NDUFAF2: variants seen among roughly 807,000 people sequenced by gnomAD.
The protein encoded by NDUFAF2 is NADH dehydrogenase [ubiquinone] 1 alpha subcomplex assembly factor 2.
A neutral mutation model predicts 22.8 loss-of-function variants in NDUFAF2; 13 were observed. That is an observed-to-expected ratio of 0.57 (90% CI 0.37 to 0.91). The LOEUF is 0.91. NDUFAF2 is among the 40% of genes least tolerant of loss of function. The pLI, the probability that NDUFAF2 is intolerant of heterozygous loss-of-function variation, is 0.01. For synonymous variants in NDUFAF2, 53 were observed against 64.2 expected (o/e 0.83, Z 0.84); for missense variants, 162 against 195.2 (o/e 0.83, Z 1.01).
intron 3 of NDUFAF2, among the ~76,000 whole-genome samples, chr5:61,147,423 A>G (rs371045689): frequency 1.9e-5 from 1 of 54,018 alleles, no homozygotes; most frequent in African/African-American, 5.9e-5. Context: ...TAATTTTTGT[A>G]TTTTTTTTTC....
chr5:60,945,463 C>T (rs889924129), intron 1 of NDUFAF2, 81 bp downstream of exon 1: 2 of 1,580,932 alleles, frequency 1.3e-6, no homozygotes, highest in African/African-American at 1.3e-5. Flanking sequence ...AGCCCCTAGT[C>T]AACTAACGCA....
At chr5:61,068,986 A>T (rs1752262682) in intron 1 of NDUFAF2, among the ~76,000 whole-genome samples, 1 of 152,122 alleles carries the variant, frequency 6.6e-6, no homozygotes, top group African/African-American at 2.4e-5. Flanking sequence ...TCTCTTTATA[A>T]ATGAAATGTA....
intron 1 of NDUFAF2, among the ~76,000 whole-genome samples, chr5:61,016,972 T>G (rs1259208416): frequency 6.6e-6 from 1 of 152,170 alleles, no homozygotes; most frequent in Non-Finnish European, 1.5e-5. Context: ...AGGGGATTGG[T>G]TCCAGGCTTC....
chr5:61,001,050 C>G (rs1751289027), intron 1 of NDUFAF2, among the ~76,000 whole-genome samples: 2 of 152,242 alleles, frequency 1.3e-5, no homozygotes, highest in Non-Finnish European at 1.5e-5. Context: ...TAGCAGCACT[C>G]TCTTTGGGAG....
chr5:60,990,541 G>A (rs535088935), intron 1 of NDUFAF2, among the ~76,000 whole-genome samples: 3 of 152,034 alleles, frequency 2.0e-5, no homozygotes, highest in Non-Finnish European at 4.4e-5. Flanking sequence ...TATTAAAATA[G>A]CATTTAGCTA....
At chr5:61,102,122 A>G (rs571830720) in intron 3 of NDUFAF2, among the ~76,000 whole-genome samples, 4 of 152,306 alleles carry the variant, frequency 2.6e-5, no homozygotes, top group Admixed American at 6.5e-5. Flanking sequence ...ATTTAATAAA[A>G]TGAATATCCA....
intron 1 of NDUFAF2, among the ~76,000 whole-genome samples, chr5:61,058,063 G>T (rs1385450824): frequency 2.6e-5 from 4 of 152,146 alleles, no homozygotes; most frequent in Non-Finnish European, 5.9e-5. Flanking sequence ...GTAGATAACA[G>T]TACGGTCTTT....
At chr5:61,037,095 T>A (rs949398992) in intron 1 of NDUFAF2, among the ~76,000 whole-genome samples, 6 of 152,180 alleles carry the variant, frequency 3.9e-5, no homozygotes, top group African/African-American at 1.4e-4. Flanking sequence ...TTCAGGGATC[T>A]TGCTCTCTTG....
At chr5:60,962,423 G>A (rs563926201) in intron 1 of NDUFAF2, among the ~76,000 whole-genome samples, 28 of 151,942 alleles carry the variant, frequency 1.8e-4, no homozygotes, top group Non-Finnish European at 3.4e-4. Context: ...CCTTGGCCAC[G>A]TTTTCAATTA....
intron 1 of NDUFAF2, among the ~76,000 whole-genome samples, chr5:61,025,168 C>G (rs1751634175): frequency 6.6e-6 from 1 of 151,934 alleles, no homozygotes; most frequent in South Asian, 2.1e-4. Flanking sequence ...ACTAAACTGC[C>G]TTCTCTGAGG....
chr5:61,034,151 G>C (rs760062307), intron 1 of NDUFAF2, among the ~76,000 whole-genome samples: 3 of 152,104 alleles, frequency 2.0e-5, no homozygotes, highest in African/African-American at 4.8e-5. Flanking sequence ...AGTAGGTGTT[G>C]TATTTCAAGA....
chr5:61,098,402 TGCAAAGCATCCA>T (rs1214071582), intron 2 of NDUFAF2, among the ~76,000 whole-genome samples: 1 of 152,206 alleles, frequency 6.6e-6, no homozygotes, highest in Non-Finnish European at 1.5e-5. Context: ...TTCCCATTGC[TGCAAAGCATCCA>T]GCACAGTACC....
chr5:61,019,841 A>T (rs1751555991), intron 1 of NDUFAF2, among the ~76,000 whole-genome samples: 1 of 152,078 alleles, frequency 6.6e-6, no homozygotes, highest in Non-Finnish European at 1.5e-5. Flanking sequence ...AAAAGAGCTG[A>T]ATCATTTCCT....
At chr5:61,008,087 G>A (rs943828535) in intron 1 of NDUFAF2, among the ~76,000 whole-genome samples, 1 of 146,616 alleles carries the variant, frequency 6.8e-6, no homozygotes, top group African/African-American at 2.5e-5. Context: ...TCACTCACAG[G>A]TGGGAATTGA....
chr5:60,962,954 C>T (rs756079429), intron 1 of NDUFAF2, among the ~76,000 whole-genome samples: 183 of 152,066 alleles, frequency 1.2e-3, no homozygotes, highest in Middle Eastern at 0.01. Context: ...GGCGCGATCT[C>T]GGCTCACTGC....
intron 1 of NDUFAF2, among the ~76,000 whole-genome samples, chr5:61,069,050 TAAATG>T (rs906078595): frequency 6.6e-6 from 1 of 152,004 alleles, no homozygotes; most frequent in African/African-American, 2.4e-5. Context: ...TTGTATAGCT[TAAATG>T]AAATTACTCA....
chr5:61,047,104 G>T (rs1751963297), intron 1 of NDUFAF2, among the ~76,000 whole-genome samples: 1 of 152,022 alleles, frequency 6.6e-6, no homozygotes, highest in Non-Finnish European at 1.5e-5. Flanking sequence ...CAATGGCTAG[G>T]TCTTAAACAT....
intron 1 of NDUFAF2, among the ~76,000 whole-genome samples, chr5:60,957,639 C>G (rs552496290): frequency 2.6e-5 from 4 of 152,172 alleles, no homozygotes; most frequent in Admixed American, 1.3e-4. Flanking sequence ...CTGTCTGCAC[C>G]CAGACAGACC....
intron 1 of NDUFAF2, among the ~76,000 whole-genome samples, chr5:60,952,236 C>T (rs911358884): frequency 2.4e-4 from 36 of 151,724 alleles, no homozygotes; most frequent in African/African-American, 8.5e-4. Context: ...ATATCGTCAT[C>T]GTTTTCTTCT....
Sources: gnomAD v4.1 joint callset for allele counts (sites outside exome capture counted in the v4.1 genomes callset) on GRCh38, gnomAD v4.1.1 for gene constraint, MANE v1.5 for transcripts, NCBI Gene and HGNC (gene_info 2026-07-23, HGNC 2026-07-21) for gene names.